The following SHROOM3 variants were observed in gnomAD, a reference collection of about 807,000 sequenced individuals.
The protein encoded by SHROOM3 is shroom family member 3, also known as protein Shroom3.
SHROOM3 carries 47 observed loss-of-function variants against 138.6 expected under a neutral mutation model. That is an observed-to-expected ratio of 0.34 (90% CI 0.27 to 0.43). SHROOM3 has a LOEUF of 0.43. SHROOM3 is among the 20% of genes least tolerant of loss of function. The probability of loss-of-function intolerance (pLI) is 1.00; values close to 1 mark genes in which losing one functional copy is unlikely to be tolerated. For synonymous variants in SHROOM3, 1,062 were observed against 1,063.3 expected, an observed-to-expected ratio of 1.00 and a Z score of 0.02; for missense variants, 2,491 against 2,596.5, an observed-to-expected ratio of 0.96 and a Z score of 0.88.
rs1362673409 is a variant in SHROOM3, at chr4:76,739,364, C to A, written c.1191C>A (p.His397Gln). 23 of 1,614,016 alleles carry A rather than the reference C, an allele frequency of 1.4e-5. No individual in the cohort carries two copies. The highest frequency in any genetic ancestry group is 1.7e-5 in the Non-Finnish European group (20 of 1,180,046). The change falls in exon 5 of 11, where the codon CAC becomes CAA. Residue 397 changes from histidine (H) to glutamine (Q), a missense_variant. Coordinates refer to ENST00000296043, the MANE Select transcript of SHROOM3 (RefSeq NM_020859.4). The stretch of plus-strand genomic sequence containing the variant: ...GTGACAGTTACGCAGCATTTCGGCA[C>A]CGTGAGCGGCCCAGCTCCTGGTCTA... The part of the protein sequence containing the change: ...ARSDSYAAFR[H>Q]RERPSSWSSL...
chr4:76,732,403 G>C (rs967406623), intron 4 of SHROOM3, among the ~76,000 whole-genome samples: 1 of 152,168 alleles, frequency 6.6e-6, no homozygotes, highest in African/African-American at 2.4e-5. Flanking sequence ...CCAAATCCTA[G>C]ACCTCTCACT....
intron 1 of SHROOM3, among the ~76,000 whole-genome samples, chr4:76,437,180 G>A (rs1730579911): frequency 6.6e-6 from 1 of 152,140 alleles, no homozygotes; most frequent in Non-Finnish European, 1.5e-5. Flanking sequence ...GGAGAACTGG[G>A]TTTCACAGTG....
chr4:76,489,812 G>A lies in SHROOM3; in HGVS notation c.168+53592G>A, dbSNP rs201868069. The stretch of plus-strand genomic sequence containing the variant: ...ATTAGAGGGACATAGTTGTGTCACC[G>A]GTATGATGGTCGTAACTGCAAGTTG... On this transcript the variant is annotated intron_variant, in intron 1 of 10. Coordinates refer to ENST00000296043, the MANE Select transcript of SHROOM3 (RefSeq NM_020859.4). Among the ~76,000 whole-genome samples, 18 of 152,146 alleles carry A rather than the reference G, an allele frequency of 1.2e-4. No individual in the cohort carries two copies. In the East Asian group the frequency reaches 1.5e-3, roughly 13 times the overall value.
intron 2 of SHROOM3, among the ~76,000 whole-genome samples, chr4:76,560,958 C>A (rs1012823374): frequency 3.9e-5 from 6 of 152,210 alleles, no homozygotes; most frequent in Non-Finnish European, 7.3e-5. Flanking sequence ...GTTATTAAAT[C>A]ATGAATCTAC....
chr4:76,446,102 C>G (rs1730799140), intron 1 of SHROOM3, among the ~76,000 whole-genome samples: 1 of 152,092 alleles, frequency 6.6e-6, no homozygotes, highest in African/African-American at 2.4e-5. Context: ...AGGTCCTGCT[C>G]TGTAACAGGC....
Position 76,614,878 on chromosome 4 carries a change from G to A in SHROOM3, c.323+59115G>A, listed in dbSNP as rs116451982. Reference sequence around the variant, plus strand: ...TGGGGTCAGAGAGGCTCATGGAAGGGTTGTGTCCTGAATAAGGCATTTGAG... The same window carrying A: ...TGGGGTCAGAGAGGCTCATGGAAGGATTGTGTCCTGAATAAGGCATTTGAG... On this transcript the variant is annotated intron_variant, in intron 2 of 10. Coordinates refer to ENST00000296043, the MANE Select transcript of SHROOM3 (RefSeq NM_020859.4). Among the ~76,000 whole-genome samples the A allele has an allele frequency of 2.4e-3, 372 of 152,344 alleles. 3 individuals carry two copies. The highest frequency in any genetic ancestry group is 8.3e-3 in the African/African-American group (343 of 41,568).
At chr4:76,633,255 C>T (rs1406666908) in intron 2 of SHROOM3, among the ~76,000 whole-genome samples, 5 of 144,270 alleles carry the variant, frequency 3.5e-5, no homozygotes, top group South Asian at 2.2e-4. Flanking sequence ...GCATGAGAAT[C>T]GCTTGAATCT....
At chr4:76,721,639 T>C (rs1365912487) in intron 3 of SHROOM3, among the ~76,000 whole-genome samples, 1 of 152,218 alleles carries the variant, frequency 6.6e-6, no homozygotes, top group Non-Finnish European at 1.5e-5. Context: ...GACTTTCAAG[T>C]AGCTGGGACT....
intron 2 of SHROOM3, among the ~76,000 whole-genome samples, chr4:76,564,349 A>G (rs1354703643): frequency 6.6e-6 from 1 of 152,218 alleles, no homozygotes; most frequent in Non-Finnish European, 1.5e-5. Context: ...AGGCAGCTGC[A>G]GTGGCCTCTG....
At chr4:76,544,548 T>G (rs963185991) in intron 1 of SHROOM3, among the ~76,000 whole-genome samples, 7 of 151,168 alleles carry the variant, frequency 4.6e-5, no homozygotes, top group Admixed American at 1.3e-4. Context: ...TCCTGGCTTT[T>G]TTTTGTTTTG....
chr4:76,557,878 A>G (rs1171727950), intron 2 of SHROOM3, among the ~76,000 whole-genome samples: 6 of 152,222 alleles, frequency 3.9e-5, no homozygotes, highest in Non-Finnish European at 5.9e-5. Context: ...CATTCCTTGC[A>G]GATCCAGATT....
chr4:76,738,015 G>A (rs1338165486), intron 4 of SHROOM3, among the ~76,000 whole-genome samples: 3 of 152,114 alleles, frequency 2.0e-5, no homozygotes, highest in Non-Finnish European at 2.9e-5. Flanking sequence ...CCTCCTAAAT[G>A]TATGAGGAGG....
At chr4:76,501,219 C>A (rs1247482332) in intron 1 of SHROOM3, among the ~76,000 whole-genome samples, 3 of 152,248 alleles carry the variant, frequency 2.0e-5, no homozygotes, top group Admixed American at 1.3e-4. Flanking sequence ...TTACAAATAT[C>A]TTCACTCTGA....
intron 1 of SHROOM3, among the ~76,000 whole-genome samples, chr4:76,554,213 G>A (rs1733429621): frequency 6.6e-6 from 1 of 152,114 alleles, no homozygotes; most frequent in Non-Finnish European, 1.5e-5. Flanking sequence ...GTGGTATGTA[G>A]CCTTTTCAGA....
intron 2 of SHROOM3, among the ~76,000 whole-genome samples, chr4:76,603,508 C>T (rs1734549571): frequency 6.6e-6 from 1 of 152,244 alleles, no homozygotes; most frequent in African/African-American, 2.4e-5. Context: ...GATTTATGAT[C>T]AAAGCCTCTG....
chr4:76,770,953 A>G, intron 10 of SHROOM3, 55 bp downstream of exon 10: 3 of 1,606,706 alleles, frequency 1.9e-6, no homozygotes, highest in African/African-American at 1.3e-5. Flanking sequence ...CCACATACAT[A>G]GAGAGGCGCC....
chr4:76,767,475 C>T lies in SHROOM3; in HGVS notation c.5350-3151C>T, dbSNP rs185158435. Among the ~76,000 whole-genome samples the T allele has an allele frequency of 7.9e-5, 12 of 152,264 alleles. No homozygotes were observed. The South Asian group carries it at 1.9e-3, about 24-fold the overall frequency. On this transcript the variant is annotated intron_variant, in intron 9 of 10. Coordinates refer to ENST00000296043, the MANE Select transcript of SHROOM3 (RefSeq NM_020859.4). ...AGGTGAATAACTGAGGTCAGGAGTT[C>T]GAGACCAGCCTGACCAACATGGTGA...
At chr4:76,470,792 G>A (rs1469971106) in intron 1 of SHROOM3, among the ~76,000 whole-genome samples, 1 of 152,114 alleles carries the variant, frequency 6.6e-6, no homozygotes, top group South Asian at 2.1e-4. Flanking sequence ...TTTTGTTAGA[G>A]TATTACCACC....
chr4:76,665,605 G>C (rs1718670939), intron 2 of SHROOM3, among the ~76,000 whole-genome samples: 1 of 152,212 alleles, frequency 6.6e-6, no homozygotes, highest in Non-Finnish European at 1.5e-5. Context: ...TGTGATGTTT[G>C]TGGCTGTTTA....
Sources: allele counts gnomAD v4.1 joint callset (sites outside exome capture counted in the v4.1 genomes callset), GRCh38; gene constraint gnomAD v4.1.1; transcripts MANE v1.5; gene names NCBI Gene and HGNC (gene_info 2026-07-23, HGNC 2026-07-21).